The following STARD13 variants were observed in gnomAD, a reference collection of about 807,000 sequenced individuals.
STARD13 encodes the protein stAR-related lipid transfer protein 13.
Under a neutral mutation model 106.4 loss-of-function variants are expected in STARD13, and 62 were observed. The observed-to-expected ratio is 0.58, with a 90% CI of 0.48 to 0.72. STARD13 has a LOEUF of 0.72. Among genes scored for constraint, STARD13 ranks in the 30% least tolerant of loss-of-function variants. The pLI, the probability that STARD13 is intolerant of heterozygous loss-of-function variation, is 0.00. For missense variants in STARD13, 1,387 were observed against 1,424.0 expected (o/e 0.97, Z 0.42); for synonymous variants, 565 against 553.0 (o/e 1.02, Z -0.31).
Position 33,110,673 on chromosome 13 carries a change from C to A in STARD13, c.2829+13G>T. On this transcript the variant is annotated intron_variant, in intron 11 of 13. Transcript: ENST00000336934. Reference sequence around the variant, plus strand: ...CTTTCTGGGGGTGATCTTTTTCCATCCTCTGAGATTACCTTTTTGAAAGCA... The same window carrying A: ...CTTTCTGGGGGTGATCTTTTTCCATACTCTGAGATTACCTTTTTGAAAGCA... 1 of 1,608,354 alleles carries A rather than the reference C, an allele frequency of 6.2e-7. No individual in the cohort carries two copies. Among genetic ancestry groups the A allele is most frequent in the Non-Finnish European group, 8.5e-7 (1 of 1,174,892 alleles).
At chr13:33,181,526 T>C (rs955180722) in intron 1 of STARD13, among the ~76,000 whole-genome samples, 1 of 152,208 alleles carries the variant, frequency 6.6e-6, no homozygotes, top group Non-Finnish European at 1.5e-5. Context: ...AAAATATTTA[T>C]AGATCTGAAG....
Position 33,118,195 on chromosome 13 carries a change from G to A in STARD13, c.2151C>T (p.Phe717=), listed in dbSNP as rs758628937. The change falls in exon 8 of 14, where the codon TTC becomes TTT. Residue 717 remains phenylalanine, a synonymous_variant. Transcript: ENST00000336934. The stretch of plus-strand genomic sequence containing the variant: ...GGTCTTCATAGTTGACGTTCTCAGG[G>A]AAGTTTTCATTCATTTGGCGAAGGG... ...IHALRQMNEN[F]PENVNYEDQS... is the part of the protein sequence containing the mutation. 6.2e-7 allele frequency: 1 copy of A among 1,614,164 alleles called. No homozygotes were observed. The highest frequency in any genetic ancestry group is 1.1e-5 in the South Asian group (1 of 91,076).
At chr13:33,670,659 C>T in the STARD13 span, among the ~76,000 whole-genome samples, 2 of 152,286 alleles carry the variant, frequency 1.3e-5, no homozygotes, top group South Asian at 2.1e-4. Context: ...ATTTACTAAA[C>T]GTGCATTTAT....
chr13:33,653,411 A>G, the STARD13 span, among the ~76,000 whole-genome samples: 2 of 152,190 alleles, frequency 1.3e-5, no homozygotes, highest in East Asian at 1.9e-4. Flanking sequence ...AAGAATGCCA[A>G]TGCTATTTAA....
intron 1 of STARD13, among the ~76,000 whole-genome samples, chr13:33,213,233 A>G (rs959617923): frequency 3.3e-5 from 5 of 152,208 alleles, no homozygotes; most frequent in African/African-American, 4.8e-5. Context: ...TTCACTGCAC[A>G]TATAGGATTT....
intron 3 of STARD13, 143 bp downstream of exon 3, chr13:33,165,194 T>C: frequency 1.4e-6 from 1 of 699,906 alleles, no homozygotes; most frequent in Non-Finnish European, 2.6e-6. Context: ...TTAACAGTAG[T>C]ACATTTAGAA....
chr13:33,146,110 A>G (rs1228611924), intron 3 of STARD13, among the ~76,000 whole-genome samples: 1 of 152,194 alleles, frequency 6.6e-6, no homozygotes, highest in Admixed American at 6.5e-5. Context: ...GGATCACCTG[A>G]GGTGAGGAGT....
chr13:33,432,513 T>C, the STARD13 span, among the ~76,000 whole-genome samples: 6 of 152,192 alleles, frequency 3.9e-5, no homozygotes, highest in African/African-American at 1.4e-4. Context: ...CATTTAAATC[T>C]ACCAATATTT....
chr13:33,509,644 T>C, the STARD13 span, among the ~76,000 whole-genome samples: 78,033 of 151,940 alleles, frequency 0.51, 21,069 homozygotes, highest in African/African-American at 0.69. Context: ...GGAACCAGGC[T>C]GATGGGCCAT....
At chr13:33,241,496 G>A (rs1594152784) in intron 1 of STARD13, among the ~76,000 whole-genome samples, 1 of 152,078 alleles carries the variant, frequency 6.6e-6, no homozygotes, top group East Asian at 1.9e-4. Context: ...TTTCAGTCAT[G>A]TATGTATAAA....
the STARD13 span, among the ~76,000 whole-genome samples, chr13:33,459,500 G>C: frequency 5.3e-5 from 8 of 152,230 alleles, no homozygotes; most frequent in South Asian, 1.7e-3. Flanking sequence ...CTACTCATTT[G>C]TCTGCTGATG....
At chr13:33,422,572 T>G in the STARD13 span, among the ~76,000 whole-genome samples, 1 of 152,162 alleles carries the variant, frequency 6.6e-6, no homozygotes, top group Non-Finnish European at 1.5e-5. Context: ...ATGACTTTCT[T>G]CACAGAACTG....
chr13:33,302,316 T>G (rs1892751850), intron 1 of STARD13, among the ~76,000 whole-genome samples: 1 of 152,216 alleles, frequency 6.6e-6, no homozygotes, highest in African/African-American at 2.4e-5. Flanking sequence ...GAAGTAATGA[T>G]AGCTCACATT....
the STARD13 span, among the ~76,000 whole-genome samples, chr13:33,440,088 G>T: frequency 6.6e-6 from 1 of 152,064 alleles, no homozygotes; most frequent in African/African-American, 2.4e-5. Flanking sequence ...ATCAGACTGG[G>T]CAACATAGCG....
intron 13 of STARD13, 131 bp downstream of exon 13, chr13:33,106,627 G>A (rs1230116554): frequency 1.3e-6 from 1 of 793,098 alleles, no homozygotes; most frequent in African/African-American, 1.7e-5. Context: ...ATCCACCTAT[G>A]AAAGCACACT....
the STARD13 span, among the ~76,000 whole-genome samples, chr13:33,393,034 G>C: frequency 2.0e-5 from 3 of 152,204 alleles, no homozygotes; most frequent in African/African-American, 7.2e-5. Flanking sequence ...CTGATGTCAA[G>C]ATCAACTGAA....
At chr13:33,675,092 C>T in the STARD13 span, among the ~76,000 whole-genome samples, 2 of 152,160 alleles carry the variant, frequency 1.3e-5, no homozygotes, top group Non-Finnish European at 2.9e-5. Flanking sequence ...CACCTTTCGG[C>T]TAGAGCCATT....
the STARD13 span, among the ~76,000 whole-genome samples, chr13:33,550,434 A>C: frequency 6.6e-6 from 1 of 152,210 alleles, no homozygotes; most frequent in East Asian, 1.9e-4. Flanking sequence ...AAGCTGTCTC[A>C]CCAGCTGTAG....
chr13:33,607,051 T>G, the STARD13 span, among the ~76,000 whole-genome samples: 7 of 152,054 alleles, frequency 4.6e-5, no homozygotes, highest in African/African-American at 7.2e-5. Context: ...GACCTAGCAT[T>G]TCACAGTTCC....
Sources: allele counts gnomAD v4.1 joint callset (sites outside exome capture counted in the v4.1 genomes callset), GRCh38; gene constraint gnomAD v4.1.1; transcripts MANE v1.5; gene names NCBI Gene and HGNC (gene_info 2026-07-23, HGNC 2026-07-21).